The following CNPY1 variants were observed in gnomAD, a reference collection of about 807,000 sequenced individuals.
The protein encoded by CNPY1 is canopy FGF signaling regulator 1.
Under a neutral mutation model 14.4 loss-of-function variants are expected in CNPY1, and 14 were observed. The ratio of observed to expected loss-of-function variants is 0.97; its 90% confidence interval spans 0.64 to 1.52. The LOEUF (loss-of-function observed/expected upper bound fraction) is 1.52, where lower values mean the gene tolerates loss of function less well. Ranked by LOEUF, CNPY1 falls within the 40% of genes most tolerant of loss-of-function variation. The pLI is 0.00. For synonymous variants in CNPY1, 43 were observed against 46.5 expected (o/e 0.92, Z 0.31); for missense variants, 129 against 131.5 (o/e 0.98, Z 0.09).
At chr7:155,506,967 T>A (rs1796335991) in intron 4 of CNPY1, 53 bp downstream of exon 4, 3 of 1,192,350 alleles carry the variant, frequency 2.5e-6, no homozygotes, top group Non-Finnish European at 3.7e-6. Flanking sequence ...CAAGGCTGAG[T>A]GAGAGAGAGA....
chr7:155,539,725 T>A lies in CNPY1; in HGVS notation c.99+6106A>T, dbSNP rs1031848450. ...AGACAAACATTCATGTGTGTTAGCA[T>A]GGGAGCCATATGAAATATGAGACTC... On this transcript the variant is annotated intron_variant, in intron 2 of 4. Transcript: ENST00000636446. Among the ~76,000 whole-genome samples, 66 of 152,330 alleles carry A rather than the reference T, an allele frequency of 4.3e-4. 1 individual carries two copies. The highest frequency in any genetic ancestry group is 1.5e-3 in the African/African-American group (63 of 41,578).
chr7:155,506,686 T>C (rs936244732), intron 4 of CNPY1: 3 of 230,124 alleles, frequency 1.3e-5, no homozygotes, highest in Non-Finnish European at 2.4e-5. Flanking sequence ...GATGGAAAAA[T>C]CCTCTCTCTC....
intron 2 of CNPY1, among the ~76,000 whole-genome samples, chr7:155,518,145 A>G (rs1222371768): frequency 6.6e-6 from 1 of 152,098 alleles, no homozygotes; most frequent in Non-Finnish European, 1.5e-5. Context: ...AGCTGCCAGG[A>G]GGGGTGGCCA....
chr7:155,516,548 G>A (rs560758398), intron 2 of CNPY1, among the ~76,000 whole-genome samples: 8 of 150,610 alleles, frequency 5.3e-5, no homozygotes, highest in Non-Finnish European at 7.4e-5. Flanking sequence ...CAGGAGACGC[G>A]GTGTCCTCAA....
chr7:155,512,601 C>T (rs1796551675), intron 2 of CNPY1, among the ~76,000 whole-genome samples: 1 of 152,174 alleles, frequency 6.6e-6, no homozygotes, highest in African/African-American at 2.4e-5. Flanking sequence ...ACTTTAATAA[C>T]GGCCAATTAC....
intron 2 of CNPY1, among the ~76,000 whole-genome samples, chr7:155,513,852 A>G (rs1388893681): frequency 6.6e-6 from 1 of 152,268 alleles, no homozygotes; most frequent in African/African-American, 2.4e-5. Context: ...AATTGGTACT[A>G]GCATTTGCTT....
intron 4 of CNPY1, 133 bp downstream of exon 4, chr7:155,506,887 A>C: frequency 4.7e-6 from 3 of 632,438 alleles, no homozygotes; most frequent in Admixed American, 2.7e-5. Context: ...GATTCAGCGG[A>C]GACGGGGGAT....
In CNPY1 at chr7:155,507,108, A is replaced by C; in HGVS notation, c.312T>G (p.Thr104=). The stretch of plus-strand genomic sequence containing the variant: ...TTTCATCTTCATACTCTTCTATTAT[A>C]GTTTCACACTGTAGAAACATAATAA... The part of the protein sequence containing the change: ...AYRPLKFACE[T]IIEEYEDEIS... The change falls in exon 4 of 5, where the codon ACT becomes ACG. Residue 104 remains threonine, a synonymous_variant. Coordinates refer to ENST00000636446, the MANE Select transcript of CNPY1 (RefSeq NM_001393663.1). 1.3e-6 allele frequency: 2 copies of C among 1,590,842 alleles called. No individual in the cohort carries two copies. Among genetic ancestry groups the C allele is most frequent in the Non-Finnish European group, 1.7e-6 (2 of 1,159,922 alleles).
rs1302336848 is a variant in CNPY1, at chr7:155,546,374, C to CG, written c.-15+54dup. ...CTAATTTTTTTTTTTTTTTAAGAGA[C>CG]GGGGGGTCTCACTATGTTGCCCAGG... On this transcript the variant is annotated intron_variant, in intron 1 of 4. Transcript: ENST00000636446. The CG allele has an allele frequency of 2.6e-4, 103 of 394,626 alleles. No homozygotes were observed. In the South Asian group the frequency reaches 2.7e-3, roughly 10 times the overall value. 24.4% of individuals were successfully genotyped at this position (394,626 alleles called of 1,614,324 possible). A position where few individuals can be genotyped will look rare whatever the true frequency, so the allele number is the denominator to read the frequency against.
intron 2 of CNPY1, among the ~76,000 whole-genome samples, chr7:155,524,222 G>A (rs1410249143): frequency 2.0e-5 from 3 of 152,254 alleles, no homozygotes; most frequent in African/African-American, 7.2e-5. Context: ...CCCGAGGCTA[G>A]AGGTGGGGTG....
In CNPY1 at chr7:155,502,342, C is replaced by T. The variant is rs765505399; in HGVS notation, c.*726G>A. 6.6e-5 allele frequency: 10 copies of T among 151,958 alleles called. No individual in the cohort carries two copies. The highest frequency in any genetic ancestry group is 1.3e-4 in the Non-Finnish European group (9 of 68,004). 9.4% of individuals were successfully genotyped at this position (151,958 alleles called of 1,614,324 possible). A position where few individuals can be genotyped will look rare whatever the true frequency, so the allele number is the denominator to read the frequency against. ...ACAAACAAGCCAGAAGAGTTTGGAG[C>T]GAAACAAAACGCAATCACTAGTGTC... On this transcript the variant is annotated 3_prime_UTR_variant, in exon 5 of 5. Transcript: ENST00000636446.
intron 2 of CNPY1, among the ~76,000 whole-genome samples, chr7:155,530,568 G>A (rs1050195990): frequency 2.6e-5 from 4 of 152,124 alleles, no homozygotes; most frequent in Admixed American, 2.6e-4. Flanking sequence ...GGCCTCAGGC[G>A]ATCCTTCTAC....
At chr7:155,509,224 G>A in intron 2 of CNPY1, 127 bp from the exon 3 acceptor site, 1 of 558,822 alleles carries the variant, frequency 1.8e-6, no homozygotes, top group Non-Finnish European at 3.1e-6. Flanking sequence ...CCCTAGCACG[G>A]GCCCAGAAGA....
intron 2 of CNPY1, among the ~76,000 whole-genome samples, chr7:155,514,426 G>A (rs1053405366): frequency 1.1e-4 from 16 of 152,112 alleles, no homozygotes; most frequent in African/African-American, 3.1e-4. Context: ...ATGTTTCACC[G>A]TCTTGTTACT....
At chr7:155,514,536 T>C (rs1796580938) in intron 2 of CNPY1, among the ~76,000 whole-genome samples, 1 of 152,152 alleles carries the variant, frequency 6.6e-6, no homozygotes, top group Non-Finnish European at 1.5e-5. Flanking sequence ...TTGGAATCTG[T>C]TGGGGCATTT....
intron 4 of CNPY1, among the ~76,000 whole-genome samples, chr7:155,504,374 G>A (rs749560561): frequency 6.6e-6 from 1 of 151,812 alleles, no homozygotes; most frequent in Non-Finnish European, 1.5e-5. Context: ...TTATTTTTGT[G>A]TATTGGTGAA....
intron 2 of CNPY1, among the ~76,000 whole-genome samples, chr7:155,520,228 C>T (rs1448532170): frequency 6.6e-6 from 1 of 152,134 alleles, no homozygotes; most frequent in Non-Finnish European, 1.5e-5. Context: ...ACAGGCAGCT[C>T]ATTGCTTGGG....
Position 155,508,998 on chromosome 7 carries a change from C to G in CNPY1, c.199G>C (p.Glu67Gln). ...YKLEEDPVTK[E>Q]RTFKRFAPRK... ...GGAGCGAATCTCTTGAAAGTTCTCTCCTTCGTCACAGGGTCTTCCTCAAGC... is the reference window on the plus strand; with the variant it reads ...GGAGCGAATCTCTTGAAAGTTCTCTGCTTCGTCACAGGGTCTTCCTCAAGC... Residue 67 changes from glutamate (E) to glutamine (Q), a missense_variant, in exon 3 of 5, where the codon GAG becomes CAG. Coordinates refer to ENST00000636446, the MANE Select transcript of CNPY1 (RefSeq NM_001393663.1). 1 of 1,613,946 alleles carries G rather than the reference C, an allele frequency of 6.2e-7. No homozygotes were observed.
intron 2 of CNPY1, among the ~76,000 whole-genome samples, chr7:155,509,707 A>G (rs1449521509): frequency 6.6e-6 from 1 of 152,074 alleles, no homozygotes; most frequent in Non-Finnish European, 1.5e-5. Flanking sequence ...GGGCTGGGAG[A>G]GGAAGGGGCT....
Sources: allele counts gnomAD v4.1 joint callset (sites outside exome capture counted in the v4.1 genomes callset), GRCh38; gene constraint gnomAD v4.1.1; transcripts MANE v1.5; gene names NCBI Gene and HGNC (gene_info 2026-07-23, HGNC 2026-07-21).